Variants in SHC3 observed in about 807,000 individuals in gnomAD.
SHC3 encodes the protein SHC adaptor protein 3.
A neutral mutation model predicts 60.4 loss-of-function variants in SHC3; 15 were observed. The observed-to-expected ratio is 0.25, with a 90% CI of 0.17 to 0.38. The LOEUF (loss-of-function observed/expected upper bound fraction) is 0.38, where lower values mean the gene tolerates loss of function less well. SHC3 is among the 10% of genes least tolerant of loss of function. SHC3 has a pLI of 1.00. For missense variants in SHC3, 677 were observed against 786.1 expected, an observed-to-expected ratio of 0.86 and a Z score of 1.66; for synonymous variants, 294 against 325.9, an observed-to-expected ratio of 0.90 and a Z score of 1.05.
Position 89,012,879 on chromosome 9 carries a change from G to A in SHC3, c.*568C>T, listed in dbSNP as rs1186365238. 2 of 152,392 alleles carry A rather than the reference G, an allele frequency of 1.3e-5. No homozygotes were observed. Among genetic ancestry groups the A allele is most frequent in the East Asian group, 1.9e-4 (1 of 5,152 alleles). The allele number at this position is 152,392 out of a possible 1,614,324, so 9.4% of individuals were successfully genotyped here. A position where few individuals can be genotyped will look rare whatever the true frequency, so the allele number is the denominator to read the frequency against. On this transcript the variant is annotated 3_prime_UTR_variant, in exon 12 of 12. Transcript: ENST00000375835. ...GTGGAGTGCAGTGCAGGGAGCACAG[G>A]AGGTGTCCCAGGGAGGCCAAGGGAG... is the stretch of plus-strand genomic sequence containing the variant.
intron 11 of SHC3, among the ~76,000 whole-genome samples, chr9:89,036,704 T>C (rs1330628652): frequency 2.0e-5 from 3 of 152,068 alleles, no homozygotes; most frequent in Admixed American, 1.3e-4. Context: ...AGAAACAAAA[T>C]GGGATTTGTG....
In SHC3 at chr9:89,077,360, G is replaced by A. The variant is rs183455463; in HGVS notation, c.609+480C>T. 7.4e-4 allele frequency among the ~76,000 whole-genome samples: 113 copies of A among 152,116 alleles called. 2 individuals carry two copies. The South Asian group carries it at 7.5e-3, about 10-fold the overall frequency. The stretch of plus-strand genomic sequence containing the variant: ...TATCTCTTCCCGACTCTGTTTTCAC[G>A]GGATATAATTTTGAGAAATTGAAAT... On this transcript the variant is annotated intron_variant, in intron 3 of 11. Coordinates refer to ENST00000375835, the MANE Select transcript of SHC3 (RefSeq NM_016848.6).
intron 2 of SHC3, among the ~76,000 whole-genome samples, chr9:89,084,066 T>A (rs951702076): frequency 6.6e-6 from 1 of 152,182 alleles, no homozygotes; most frequent in Non-Finnish European, 1.5e-5. Context: ...AAAAATACCA[T>A]AAACCTGATT....
chr9:89,035,128 T>C (rs144708001), intron 11 of SHC3, among the ~76,000 whole-genome samples: 2,671 of 152,332 alleles, frequency 0.018, 54 homozygotes, highest in Middle Eastern at 0.048. Flanking sequence ...CTCAGGGCCT[T>C]TGCAACCTCC....
intron 1 of SHC3, among the ~76,000 whole-genome samples, chr9:89,168,278 C>G (rs1167007546): frequency 1.3e-5 from 2 of 152,136 alleles, no homozygotes; most frequent in African/African-American, 4.8e-5. Flanking sequence ...CCAGCCAGAC[C>G]AACATGGAGA....
intron 2 of SHC3, among the ~76,000 whole-genome samples, chr9:89,087,547 T>A (rs1385502845): frequency 6.6e-6 from 1 of 152,226 alleles, no homozygotes; most frequent in Admixed American, 6.5e-5. Context: ...GGATCCCACA[T>A]GCCTGCTTCT....
At chr9:89,091,328 C>G (rs1238560943) in intron 2 of SHC3, among the ~76,000 whole-genome samples, 1 of 152,148 alleles carries the variant, frequency 6.6e-6, no homozygotes, top group Non-Finnish European at 1.5e-5. Context: ...AATGCATCAG[C>G]AGAAAACAAA....
rs112778370 is a variant in SHC3, at chr9:89,079,132, A to G, written c.546-1229T>C. Among the ~76,000 whole-genome samples, 910 of 152,362 alleles carry G rather than the reference A, an allele frequency of 6.0e-3. 3 individuals carry two copies. The highest frequency in any genetic ancestry group is 0.027 in the Middle Eastern group (8 of 294). ...ACCGTAGGCAATGAATCATCATGACATGGAAAAAGTGAAGCAAGAAACAAA... is the reference window on the plus strand; with the variant it reads ...ACCGTAGGCAATGAATCATCATGACGTGGAAAAAGTGAAGCAAGAAACAAA... On this transcript the variant is annotated intron_variant, in intron 2 of 11. Transcript: ENST00000375835.
intron 6 of SHC3, among the ~76,000 whole-genome samples, chr9:89,055,800 T>C (rs1824939368): frequency 6.6e-6 from 1 of 152,218 alleles, no homozygotes; most frequent in Non-Finnish European, 1.5e-5. Flanking sequence ...TAAGTCACAG[T>C]TATCCATGCT....
At chr9:89,085,781 G>A (rs950707597) in intron 2 of SHC3, among the ~76,000 whole-genome samples, 4 of 152,212 alleles carry the variant, frequency 2.6e-5, no homozygotes, top group African/African-American at 9.6e-5. Flanking sequence ...TAAGGACACA[G>A]GGCTCATCAA....
chr9:89,051,594 C>T (rs538966568), intron 7 of SHC3, among the ~76,000 whole-genome samples: 16 of 152,170 alleles, frequency 1.1e-4, no homozygotes, highest in Admixed American at 3.3e-4. Flanking sequence ...CCAGCGAAGC[C>T]GAAACTATGC....
intron 11 of SHC3, among the ~76,000 whole-genome samples, chr9:89,031,383 C>A (rs1180915972): frequency 6.6e-6 from 1 of 152,158 alleles, no homozygotes; most frequent in Non-Finnish European, 1.5e-5. Flanking sequence ...TCAGCTATCA[C>A]CTCCCTGTCC....
chr9:89,045,969 T>C (rs1824768032), intron 8 of SHC3, 136 bp from the exon 9 acceptor site: 9 of 715,192 alleles, frequency 1.3e-5, no homozygotes, highest in South Asian at 1.9e-5. Flanking sequence ...TTTCCCTTCA[T>C]GCCTCATGGT....
At chr9:89,086,483 G>C (rs916277785) in intron 2 of SHC3, among the ~76,000 whole-genome samples, 3 of 152,224 alleles carry the variant, frequency 2.0e-5, no homozygotes, top group Non-Finnish European at 4.4e-5. Context: ...GGGAAGGAGC[G>C]TGGAACTTCC....
intron 11 of SHC3, among the ~76,000 whole-genome samples, chr9:89,014,140 C>T (rs1002774966): frequency 6.6e-6 from 1 of 152,234 alleles, no homozygotes; most frequent in African/African-American, 2.4e-5. Context: ...GTTGCCCCTG[C>T]AGTCCCCCAC....
rs139690046 is a variant in SHC3, at chr9:89,122,852, T to C, written c.475-10226A>G. ...GTCTTTTACCTCTAAATACTTCTGTTACCAAGGGATGGGCTTGCTTCCCGA... is the reference window on the plus strand; with the variant it reads ...GTCTTTTACCTCTAAATACTTCTGTCACCAAGGGATGGGCTTGCTTCCCGA... On this transcript the variant is annotated intron_variant, in intron 1 of 11. Coordinates refer to ENST00000375835, the MANE Select transcript of SHC3 (RefSeq NM_016848.6). Among the ~76,000 whole-genome samples, 46 of 152,246 alleles carry C rather than the reference T, an allele frequency of 3.0e-4. No homozygotes were observed. In the East Asian group the frequency reaches 7.5e-3, roughly 25 times the overall value.
chr9:89,155,808 A>C (rs925942523), intron 1 of SHC3, among the ~76,000 whole-genome samples: 1 of 152,166 alleles, frequency 6.6e-6, no homozygotes. Flanking sequence ...CTGAGGGTTC[A>C]TCTGTTAAAA....
At chr9:89,066,302 T>C (rs1251487570) in intron 5 of SHC3, among the ~76,000 whole-genome samples, 1 of 152,176 alleles carries the variant, frequency 6.6e-6, no homozygotes, top group Admixed American at 6.5e-5. Context: ...AGAGTGGATG[T>C]TCAAAGGCTG....
chr9:89,049,791 G>GT (rs1294210536), intron 7 of SHC3, among the ~76,000 whole-genome samples: 28 of 152,330 alleles, frequency 1.8e-4, no homozygotes, highest in Middle Eastern at 3.4e-3. Flanking sequence ...TTCCAACTGT[G>GT]TTCAAATAAG....
Sources: allele counts gnomAD v4.1 joint callset (sites outside exome capture counted in the v4.1 genomes callset), GRCh38; gene constraint gnomAD v4.1.1; transcripts MANE v1.5; gene names NCBI Gene and HGNC (gene_info 2026-07-23, HGNC 2026-07-21).